Variants in TPD52L2 observed in about 807,000 individuals in gnomAD.
TPD52L2 encodes tumor protein D54.
Under a neutral mutation model 24.7 loss-of-function variants are expected in TPD52L2, and 19 were observed. The ratio of observed to expected loss-of-function variants is 0.77; its 90% CI spans 0.54 to 1.13. TPD52L2 has a LOEUF of 1.13. Among genes scored for constraint, TPD52L2 ranks in the 50% most tolerant of loss-of-function variants. The pLI, the probability that TPD52L2 is intolerant of heterozygous loss-of-function variation, is 0.00. For missense variants in TPD52L2, 236 were observed against 250.4 expected, an observed-to-expected ratio of 0.94 and a Z score of 0.39; for synonymous variants, 104 against 100.2, an observed-to-expected ratio of 1.04 and a Z score of -0.23.
chr20:63,875,263 C>T (rs1168003424), intron 3 of TPD52L2, among the ~76,000 whole-genome samples: 1 of 151,994 alleles, frequency 6.6e-6, no homozygotes, highest in Non-Finnish European at 1.5e-5. Flanking sequence ...TCCTATAACC[C>T]TGGGACACCT....
chr20:63,865,626 C>T (rs535748504), intron 1 of TPD52L2, among the ~76,000 whole-genome samples: 5 of 152,324 alleles, frequency 3.3e-5, no homozygotes, highest in African/African-American at 1.2e-4. Context: ...CCCCTGGGAC[C>T]GTTCCGAGGT....
At position 63,882,871 on chromosome 20, in the gene TPD52L2, TGA is replaced by T. The variant is rs764352128; in HGVS notation, c.476+53_476+54del. 6 of 1,465,196 alleles carry T rather than the reference TGA, an allele frequency of 4.1e-6. No individual in the cohort carries two copies. The East Asian group carries it at 1.4e-4, about 34-fold the overall frequency. The allele number at this position is 1,465,196 out of a possible 1,614,324, so 90.8% of individuals were successfully genotyped here. On this transcript the variant is annotated intron_variant, in intron 5 of 6. Transcript: ENST00000346249. ...CCCTGAGACCTGGCCAGGAGTGAGG[TGA>T]GGTGTTGGAGGTGCTACAGGAAGCC...
At chr20:63,884,723 CT>C (rs2146235261) in intron 5 of TPD52L2, among the ~76,000 whole-genome samples, 1 of 152,110 alleles carries the variant, frequency 6.6e-6, no homozygotes, top group Admixed American at 6.5e-5. Context: ...TGCAGTGACG[CT>C]GGCACAGCTG....
chr20:63,887,262 G>A (rs1285020529), intron 5 of TPD52L2: 4 of 520,842 alleles, frequency 7.7e-6, no homozygotes, highest in African/African-American at 3.9e-5. Context: ...GACTTCTGAA[G>A]GCTGTTTGTA....
At chr20:63,882,684 T>G in intron 4 of TPD52L2, 35 bp from the exon 5 acceptor site, 1 of 1,568,210 alleles carries the variant, frequency 6.4e-7, no homozygotes, top group Non-Finnish European at 8.8e-7. Flanking sequence ...GACCCGCCCA[T>G]GCTGTCTGGT....
At chr20:63,867,290 G>T (rs956807690) in intron 1 of TPD52L2, among the ~76,000 whole-genome samples, 6 of 152,218 alleles carry the variant, frequency 3.9e-5, no homozygotes, top group African/African-American at 1.4e-4. Context: ...GAAAGGCTGG[G>T]CTCGGTGGCT....
At chr20:63,875,592 G>A (rs1285394152) in intron 3 of TPD52L2, among the ~76,000 whole-genome samples, 2 of 152,210 alleles carry the variant, frequency 1.3e-5, no homozygotes, top group African/African-American at 2.4e-5. Flanking sequence ...ACTGCCAGGT[G>A]ACAGAAAAGG....
chr20:63,878,004 C>T (rs1029862572), intron 4 of TPD52L2, among the ~76,000 whole-genome samples: 10 of 152,386 alleles, frequency 6.6e-5, no homozygotes, highest in South Asian at 2.1e-4. Context: ...ACGGCCCAGA[C>T]GGAAGGGATG....
chr20:63,868,948 A>AT (rs931189297), intron 1 of TPD52L2, among the ~76,000 whole-genome samples: 56 of 152,128 alleles, frequency 3.7e-4, no homozygotes, highest in Middle Eastern at 3.4e-3. Flanking sequence ...CAAAAAAAAA[A>AT]GGTGGAAGGT....
rs1035853998 is a variant in TPD52L2, at chr20:63,889,918, G to A, written c.594G>A (p.Lys198=). The part of the protein sequence containing the change: ...NLPSSAGSGD[K]PLSDPAPF ...CTTCCTCAGCGGGGAGTGGTGACAAGCCCCTGTCGGATCCCGCACCTTTCT... is the reference window on the plus strand; with the variant it reads ...CTTCCTCAGCGGGGAGTGGTGACAAACCCCTGTCGGATCCCGCACCTTTCT... Residue 198 remains lysine, a synonymous_variant, in exon 7 of 7, where the codon AAG becomes AAA. Coordinates refer to ENST00000346249, the MANE Select transcript of TPD52L2 (RefSeq NM_003288.4). 1 of 1,614,160 alleles carries A rather than the reference G, an allele frequency of 6.2e-7. No individual in the cohort carries two copies. Among genetic ancestry groups the A allele is most frequent in the Non-Finnish European group, 8.5e-7 (1 of 1,180,034 alleles).
rs1235049244 is a variant in TPD52L2, at chr20:63,889,931, C to T, written c.607C>T (p.Pro203Ser). 1.9e-6 allele frequency: 3 copies of T among 1,614,062 alleles called. No homozygotes were observed. The highest frequency in any genetic ancestry group is 2.2e-5 in the South Asian group (2 of 91,092). Residue 203 changes from proline (P) to serine (S), a missense_variant, in exon 7 of 7, where the codon CCC becomes TCC. Physicochemically the swap from Pro to Ser is moderately conservative, Grantham distance 74. Transcript: ENST00000346249. ...GAGTGGTGACAAGCCCCTGTCGGAT[C>T]CCGCACCTTTCTAAGCCTGTGGTTG... ...AGSGDKPLSD[P>S]APF
intron 2 of TPD52L2, among the ~76,000 whole-genome samples, chr20:63,871,784 C>T (rs2052475632): frequency 6.6e-6 from 1 of 151,308 alleles, no homozygotes; most frequent in African/African-American, 2.4e-5. Flanking sequence ...CAGGTGCATG[C>T]CACCACGCCT....
chr20:63,876,122 G>A (rs979505149), intron 4 of TPD52L2, among the ~76,000 whole-genome samples: 12 of 152,082 alleles, frequency 7.9e-5, no homozygotes, highest in African/African-American at 2.9e-4. Context: ...CCTGATATGC[G>A]TCCCTTATGT....
chr20:63,872,218 A>G (rs182094603), intron 2 of TPD52L2, among the ~76,000 whole-genome samples: 1 of 152,188 alleles, frequency 6.6e-6, no homozygotes, highest in African/African-American at 2.4e-5. Context: ...TGTTTTCTTA[A>G]GGGTGTTTTT....
At chr20:63,884,238 C>T (rs2053013449) in intron 5 of TPD52L2, among the ~76,000 whole-genome samples, 1 of 152,144 alleles carries the variant, frequency 6.6e-6, no homozygotes. Flanking sequence ...CAGGTCTTCC[C>T]TACCACTGCT....
chr20:63,875,976 G>T, intron 4 of TPD52L2, 101 bp downstream of exon 4: 3 of 1,172,648 alleles, frequency 2.6e-6, no homozygotes, highest in African/African-American at 1.6e-5. Context: ...AGCTTGTTTT[G>T]GTATTTGCTG....
At chr20:63,866,836 A>G (rs1255019919) in intron 1 of TPD52L2, among the ~76,000 whole-genome samples, 4 of 148,444 alleles carry the variant, frequency 2.7e-5, no homozygotes, top group African/African-American at 1.0e-4. Context: ...CAGTGGTGCA[A>G]TCATAGCTTA....
At chr20:63,889,503 GGT>G (rs2053255695) in intron 6 of TPD52L2, among the ~76,000 whole-genome samples, 1 of 151,842 alleles carries the variant, frequency 6.6e-6, no homozygotes, top group African/African-American at 2.4e-5. Flanking sequence ...TGCCCTTCCT[GGT>G]CCCCACTGCC....
chr20:63,877,779 C>A lies in TPD52L2; in HGVS notation c.374+1904C>A, dbSNP rs2052744665. On this transcript the variant is annotated intron_variant, in intron 4 of 6. Transcript: ENST00000346249. This position sits in a 1 kb window ranked among gnomAD's most constrained non-coding sequence, Gnocchi z 4.1. ...ATGGAAGCATATGGCCAGTGCATCACCTGGCCGAGGCCATTCCCCTGAGTT... is the reference window on the plus strand; with the variant it reads ...ATGGAAGCATATGGCCAGTGCATCAACTGGCCGAGGCCATTCCCCTGAGTT... Among the ~76,000 whole-genome samples the A allele has an allele frequency of 6.6e-6, 1 of 152,286 alleles. No homozygotes were observed. The highest frequency in any genetic ancestry group is 1.5e-5 in the Non-Finnish European group (1 of 68,056).
Sources: gnomAD v4.1 joint callset for allele counts (sites outside exome capture counted in the v4.1 genomes callset) on GRCh38, gnomAD v4.1.1 for gene constraint, Gnocchi (gnomAD v3.1) non-coding constraint, MANE v1.5 for transcripts, NCBI Gene and HGNC (gene_info 2026-07-23, HGNC 2026-07-21) for gene names.